DCLRE1A: variants seen among roughly 807,000 people sequenced by gnomAD.
DCLRE1A encodes the protein DNA cross-link repair 1A protein.
A neutral mutation model predicts 91.9 loss-of-function variants in DCLRE1A; 64 were observed. That is an observed-to-expected ratio of 0.70 (90% CI 0.57 to 0.86). DCLRE1A has a LOEUF of 0.86. Among genes scored for constraint, DCLRE1A ranks in the 40% least tolerant of loss-of-function variants. The pLI is 0.00. For missense variants in DCLRE1A, 1,145 were observed against 1,213.3 expected, an observed-to-expected ratio of 0.94 and a Z score of 0.84; for synonymous variants, 416 against 431.1, an observed-to-expected ratio of 0.96 and a Z score of 0.43.
chr10:113,843,960 T>A, intron 5 of DCLRE1A, 144 bp downstream of exon 5: 2 of 1,127,410 alleles, frequency 1.8e-6, no homozygotes, highest in Non-Finnish European at 2.4e-6. Flanking sequence ...CTTAAGCAAG[T>A]ATATACATAT....
In DCLRE1A at chr10:113,841,561, C is replaced by A; in HGVS notation, c.2666-1G>T. 1 of 1,595,692 alleles carries A rather than the reference C, an allele frequency of 6.3e-7. No individual in the cohort carries two copies. The highest frequency in any genetic ancestry group is 1.4e-5 in the African/African-American group (1 of 73,660). On this transcript the variant is annotated splice_acceptor_variant, in intron 6 of 8. Transcript: ENST00000361384. LOFTEE classifies it high-confidence loss of function. ...TTTGAACCTAAAACATCAGCAATGG[C>A]TATGGGCAAAAGAAAAGATTAAAAA... is the stretch of plus-strand genomic sequence containing the variant.
chr10:113,838,662 T>C (rs1845397897), intron 7 of DCLRE1A, among the ~76,000 whole-genome samples: 1 of 152,250 alleles, frequency 6.6e-6, no homozygotes, highest in South Asian at 2.1e-4. Flanking sequence ...TCTCCGTTTA[T>C]TGGTAACCAG....
intron 1 of DCLRE1A, among the ~76,000 whole-genome samples, chr10:113,852,350 C>A (rs1346699902): frequency 1.3e-5 from 2 of 152,094 alleles, no homozygotes; most frequent in African/African-American, 2.4e-5. Context: ...AAATAAATAA[C>A]CAATTGGACA....
intron 2 of DCLRE1A, 134 bp downstream of exon 2, chr10:113,848,846 T>C (rs914158110): frequency 6.0e-6 from 5 of 834,164 alleles, no homozygotes; most frequent in Non-Finnish European, 9.4e-6. Context: ...TAGAGGCTCA[T>C]GAAGTATCAC....
Position 113,847,466 on chromosome 10 carries a change from A to C in DCLRE1A, c.2126-131T>G, listed in dbSNP as rs1056732669. On this transcript the variant is annotated intron_variant, in intron 2 of 8. Transcript: ENST00000361384. ...TTAACTATATTTAAAAACTTATATC[A>C]CATAAATTTAACAAAAGGTAACACT... is the stretch of plus-strand genomic sequence containing the variant. 6 of 1,051,086 alleles carry C rather than the reference A, an allele frequency of 5.7e-6. No individual in the cohort carries two copies. In the South Asian group the frequency reaches 1.8e-4, roughly 31 times the overall value. 65.1% of individuals were successfully genotyped at this position (1,051,086 alleles called of 1,614,324 possible).
rs969582018 is a variant in DCLRE1A, at chr10:113,853,294, T to A, written c.-112A>T. On this transcript the variant is annotated 5_prime_UTR_variant, in exon 1 of 9. Transcript: ENST00000361384. ...ATTTTGCTGAGAAAAAAAACAAAGG[T>A]AACAAAACCCCCACCAACTCAATGG... 1 of 1,057,130 alleles carries A rather than the reference T, an allele frequency of 9.5e-7. No individual in the cohort carries two copies. Among genetic ancestry groups the A allele is most frequent in the Non-Finnish European group, 1.3e-6 (1 of 762,050 alleles). 65.5% of individuals were successfully genotyped at this position (1,057,130 alleles called of 1,614,324 possible).
intron 3 of DCLRE1A, among the ~76,000 whole-genome samples, chr10:113,846,853 G>T (rs76695809): frequency 7.9e-5 from 12 of 151,994 alleles, no homozygotes; most frequent in African/African-American, 2.9e-4. Flanking sequence ...TTTCGGTTGC[G>T]GTTGGTTGAA....
intron 3 of DCLRE1A, among the ~76,000 whole-genome samples, chr10:113,846,737 A>G (rs928090753): frequency 6.6e-6 from 1 of 152,218 alleles, no homozygotes; most frequent in African/African-American, 2.4e-5. Context: ...TCATCTTTAG[A>G]TTAATTATAA....
In DCLRE1A at chr10:113,850,213, T is replaced by C; in HGVS notation, c.892A>G (p.Ile298Val). 1 of 1,614,168 alleles carries C rather than the reference T, an allele frequency of 6.2e-7. No homozygotes were observed. Among genetic ancestry groups the C allele is most frequent in the Non-Finnish European group, 8.5e-7 (1 of 1,180,030 alleles). ...LPENDFSDCE[I>V]SYSPLQSDED... ...TCACTTTGAAGTGGAGAATAGGAGA[T>C]TTCACAGTCACTGAAGTCATTTTCT... The change falls in exon 2 of 9, where the codon ATC becomes GTC. Residue 298 changes from isoleucine (I) to valine (V), a missense_variant. By Grantham distance (29) the Ile-to-Val change is conservative. Coordinates refer to ENST00000361384, the MANE Select transcript of DCLRE1A (RefSeq NM_014881.5).
Position 113,849,409 on chromosome 10 carries a change from G to A in DCLRE1A, c.1696C>T (p.Pro566Ser). 1.9e-6 allele frequency: 3 copies of A among 1,613,882 alleles called. No individual in the cohort carries two copies. Among genetic ancestry groups the A allele is most frequent in the Non-Finnish European group, 2.5e-6 (3 of 1,179,916 alleles). ...QMDIGVYFGL[P>S]PKRKEEKLLG... is the part of the protein sequence containing the mutation. ...AATTTCTCTTCCTTTCTTTTGGGAG[G>A]TAGTCCAAAATACACACCTATATCC... The change falls in exon 2 of 9, where the codon CCT becomes TCT. Residue 566 changes from proline (P) to serine (S), a missense_variant. Transcript: ENST00000361384.
chr10:113,849,933 T>G lies in DCLRE1A; in HGVS notation c.1172A>C (p.Asn391Thr). The G allele has an allele frequency of 6.2e-7, 1 of 1,614,094 alleles. No individual in the cohort carries two copies. Among genetic ancestry groups the G allele is most frequent in the Non-Finnish European group, 8.5e-7 (1 of 1,180,016 alleles). ...ATCATAAGGCAAAGTACTCTCATTATTTTGAGAAATAGGTTGAGACAAATC... is the reference window on the plus strand; with the variant it reads ...ATCATAAGGCAAAGTACTCTCATTAGTTTGAGAAATAGGTTGAGACAAATC... ...LNDLSQPISQNNESTLPYDLA... is the reference protein window; with the variant it reads ...LNDLSQPISQTNESTLPYDLA... Residue 391 changes from asparagine to threonine, a missense_variant, in exon 2 of 9, where the codon AAT becomes ACT. Transcript: ENST00000361384.
At chr10:113,844,624 C>T (rs1593074348) in intron 4 of DCLRE1A, among the ~76,000 whole-genome samples, 1 of 152,110 alleles carries the variant, frequency 6.6e-6, no homozygotes, top group Admixed American at 6.6e-5. Context: ...GGTGAAAACC[C>T]CATAAAGTTG....
rs576396064 is a variant in DCLRE1A, at chr10:113,850,416, A to T, written c.689T>A (p.Leu230Ter). Reference sequence around the variant, plus strand: ...AGACTTTTTAAAATACTGTGTCATCAATAAGGGATCATTTGAAACCGAGTT... The same window carrying T: ...AGACTTTTTAAAATACTGTGTCATCTATAAGGGATCATTTGAAACCGAGTT... ...TDNSVSNDPL[L>*]MTQYFKKSPS... is the part of the protein sequence containing the mutation. Residue 230 changes from leucine (L) to a stop codon, truncating the protein, a stop_gained, in exon 2 of 9, where the codon TTG becomes TAG. Coordinates refer to ENST00000361384, the MANE Select transcript of DCLRE1A (RefSeq NM_014881.5). LOFTEE classifies it high-confidence loss of function. 1 of 1,614,210 alleles carries T rather than the reference A, an allele frequency of 6.2e-7. No individual in the cohort carries two copies. Among genetic ancestry groups the T allele is most frequent in the African/African-American group, 1.3e-5 (1 of 75,044 alleles).
In DCLRE1A at chr10:113,850,547, A is replaced by G; in HGVS notation, c.558T>C (p.Pro186=). Residue 186 remains proline, a synonymous_variant, in exon 2 of 9, where the codon CCT becomes CCC. Transcript: ENST00000361384. ...CTGACGCAGGTGATGGGCTGCTAAA[A>G]GGATGATCACCAGCCCTGCTTTGAG... ...LLAQSRAGDH[P]FSSPSPASGG... 6.2e-7 allele frequency: 1 copy of G among 1,614,152 alleles called. No individual in the cohort carries two copies. The highest frequency in any genetic ancestry group is 8.5e-7 in the Non-Finnish European group (1 of 1,180,030).
chr10:113,841,212 C>T (rs569845489), intron 7 of DCLRE1A, among the ~76,000 whole-genome samples, 194 bp downstream of exon 7: 1 of 152,292 alleles, frequency 6.6e-6, no homozygotes, highest in Admixed American at 6.5e-5. Context: ...TTCTGGTGGG[C>T]ATATGAATTA....
In DCLRE1A at chr10:113,853,401, A is replaced by G. The variant is rs1432895561; in HGVS notation, c.-219T>C. On this transcript the variant is annotated 5_prime_UTR_variant, in exon 1 of 9. Transcript: ENST00000361384. ...ACACCTGCTATTCCATTTATACCAC[A>G]ATGAAACTAAGATAAACCTATCACA... 4 of 468,032 alleles carry G rather than the reference A, an allele frequency of 8.5e-6. No individual in the cohort carries two copies. Among genetic ancestry groups the G allele is most frequent in the Non-Finnish European group, 1.5e-5 (4 of 267,686 alleles). 29.0% of individuals were successfully genotyped at this position (468,032 alleles called of 1,614,324 possible). A position where few individuals can be genotyped will look rare whatever the true frequency, so the allele number is the denominator to read the frequency against.
At chr10:113,836,019 C>T (rs1845357234) in intron 8 of DCLRE1A, among the ~76,000 whole-genome samples, 1 of 151,262 alleles carries the variant, frequency 6.6e-6, no homozygotes, top group African/African-American at 2.5e-5. Context: ...CCTTTGTGCT[C>T]TCTCTCACTC....
rs771083817 is a variant in DCLRE1A at position 113,850,595 on chromosome 10, C to T, written c.510G>A (p.Lys170=). The part of the protein sequence containing the change: ...LCTSTIPFHY[K]RYTHFLLAQS... ...GAGCTAGCAGGAAGTGAGTGTATCT[C>T]TTGTAATGAAAAGGAATGGTTGAGG... Residue 170 remains lysine (K), a synonymous_variant, in exon 2 of 9, where the codon AAG becomes AAA. Transcript: ENST00000361384. The T allele has an allele frequency of 1.2e-6, 2 of 1,613,458 alleles. No individual in the cohort carries two copies. The highest frequency in any genetic ancestry group is 2.7e-5 in the African/African-American group (2 of 74,864).
chr10:113,835,763 C>T (rs577455113), intron 8 of DCLRE1A, among the ~76,000 whole-genome samples: 27 of 152,080 alleles, frequency 1.8e-4, no homozygotes, highest in Admixed American at 4.6e-4. Flanking sequence ...GGTGAAACCC[C>T]GTCTCCACTA....
Sources: gnomAD v4.1 joint callset for allele counts (sites outside exome capture counted in the v4.1 genomes callset) on GRCh38, gnomAD v4.1.1 for gene constraint, MANE v1.5 for transcripts, NCBI Gene and HGNC (gene_info 2026-07-23, HGNC 2026-07-21) for gene names.